Variants in MUC17 observed in about 807,000 individuals in gnomAD.
MUC17 encodes mucin-17.
MUC17 carries 190 observed loss-of-function variants against 170.3 expected under a neutral mutation model. The ratio of observed to expected loss-of-function variants is 1.12; its 90% confidence interval spans 0.99 to 1.26. MUC17 has a LOEUF of 1.26. Among genes scored for constraint, MUC17 ranks in the 50% most tolerant of loss-of-function variants. The probability of loss-of-function intolerance (pLI) is 0.00; values close to 1 mark genes in which losing one functional copy is unlikely to be tolerated. For missense variants in MUC17, 6,415 were observed against 5,530.0 expected, an observed-to-expected ratio of 1.16 and a Z score of -5.08; for synonymous variants, 2,325 against 2,002.5, an observed-to-expected ratio of 1.16 and a Z score of -4.30.
In MUC17 at chr7:101,036,546, T is replaced by C. The variant is rs1794485994; in HGVS notation, c.5130T>C (p.Leu1710=). 1.2e-6 allele frequency: 2 copies of C among 1,611,358 alleles called. No homozygotes were observed. The highest frequency in any genetic ancestry group is 1.7e-4 in the Middle Eastern group (1 of 6,044). The change falls in exon 3 of 13, where the codon CTT becomes CTC. Residue 1710 remains leucine, a synonymous_variant. Transcript: ENST00000306151. ...TGGCCAGCTCTGCAATCAGCACCCT[T>C]TCAACAACTCCCGTTGACAACAGCA... ...TPVASSAIST[L]STTPVDNSTP...
At position 101,032,451 on chromosome 7, in the gene MUC17, G is replaced by T. The variant is rs368047713; in HGVS notation, c.1035G>T (p.Pro345=). The part of the protein sequence containing the change: ...PLTSTPASTM[P]VATSEMSTLS... The stretch of plus-strand genomic sequence containing the variant: ...CAAGTACGCCTGCCAGCACCATGCC[G>T]GTTGCCACTTCTGAAATGAGCACAC... Residue 345 remains proline (P), a synonymous_variant, in exon 3 of 13, where the codon CCG becomes CCT. Transcript: ENST00000306151. The T allele has an allele frequency of 1.2e-6, 2 of 1,613,398 alleles. No homozygotes were observed. Among genetic ancestry groups the T allele is most frequent in the Admixed American group, 3.3e-5 (2 of 59,984 alleles).
At position 101,048,888 on chromosome 7, in the gene MUC17, AGT is replaced by A; in HGVS notation, c.12581_12582del (p.Val4194AspfsTer37). On this transcript the variant is annotated frameshift_variant, in exon 5 of 13. Transcript: ENST00000306151. LOFTEE classifies it high-confidence loss of function. ...ISAQMELTVT[V>X]TSVKFTEELK... ...CTGCCCAAATGGAACTGACTGTGAC[AGT>A]GACCAGTGTGAAGTTCACCGAAGAG... 1 of 1,614,148 alleles carries A rather than the reference AGT, an allele frequency of 6.2e-7. No homozygotes were observed. Among genetic ancestry groups the A allele is most frequent in the South Asian group, 1.1e-5 (1 of 91,078 alleles).
intron 3 of MUC17, among the ~76,000 whole-genome samples, chr7:101,047,029 C>T (rs35783870): frequency 0.13 from 19,385 of 150,200 alleles, 1,450 homozygotes; most frequent in African/African-American, 0.19. Context: ...TGCAGTGAGC[C>T]GAGATCACGC....
rs1408959225 is a variant in MUC17 at position 101,042,197 on chromosome 7, G to A, written c.10781G>A (p.Ser3594Asn). The stretch of plus-strand genomic sequence containing the variant: ...ACATATGTGACCAGTTCTGAGGCTA[G>A]CACACCTTCCACTCCTTCTGTTGAC... ...SSTYVTSSEASTPSTPSVDRS... is the reference protein window; with the variant it reads ...SSTYVTSSEANTPSTPSVDRS... Residue 3594 changes from serine (S) to asparagine (N), a missense_variant, in exon 3 of 13, where the codon AGC becomes AAC. Ser to Asn is a conservative substitution (Grantham distance 46). Transcript: ENST00000306151. 4.3e-6 allele frequency: 7 copies of A among 1,614,146 alleles called. No individual in the cohort carries two copies. Among genetic ancestry groups the A allele is most frequent in the East Asian group, 2.2e-5 (1 of 44,888 alleles).
chr7:101,029,907 G>T (rs13245760), intron 1 of MUC17, among the ~76,000 whole-genome samples: 7 of 151,118 alleles, frequency 4.6e-5, no homozygotes, highest in East Asian at 3.9e-4. Context: ...CCTCTTTTAG[G>T]TTTTTTTTTA....
chr7:101,045,743 T>C (rs1218139847), intron 3 of MUC17, among the ~76,000 whole-genome samples: 2 of 152,216 alleles, frequency 1.3e-5, no homozygotes, highest in Non-Finnish European at 1.5e-5. Context: ...AATATATCTT[T>C]GTCTTCTTGA....
rs149480056 is a variant in MUC17, at chr7:101,043,422, C to T, written c.12006C>T (p.Leu4002=). The T allele has an allele frequency of 1.4e-5, 23 of 1,614,180 alleles. No homozygotes were observed. In the African/African-American group the frequency reaches 2.9e-4, roughly 21 times the overall value. Reference sequence around the variant, plus strand: ...CCGCAATGACTACTGCAGCTCCCCTCACATATGTGACCATGTCTACTGCCC... The same window carrying T: ...CCGCAATGACTACTGCAGCTCCCCTTACATATGTGACCATGTCTACTGCCC... ...TTPAMTTAAP[L]TYVTMSTAPS... is the part of the protein sequence containing the mutation. Residue 4002 remains leucine, a synonymous_variant, in exon 3 of 13, where the codon CTC becomes CTT. Transcript: ENST00000306151.
Position 101,033,701 on chromosome 7 carries a change from C to T in MUC17, c.2285C>T (p.Ser762Phe). The T allele has an allele frequency of 6.2e-7, 1 of 1,613,644 alleles. No individual in the cohort carries two copies. Among genetic ancestry groups the T allele is most frequent in the Non-Finnish European group, 8.5e-7 (1 of 1,179,630 alleles). Residue 762 changes from serine (S) to phenylalanine (F), a missense_variant, in exon 3 of 13, where the codon TCT (serine) becomes TTT (phenylalanine). Ser to Phe is a radical substitution (Grantham distance 155, BLOSUM62 -2). Coordinates refer to ENST00000306151, the MANE Select transcript of MUC17 (RefSeq NM_001040105.2). ...MPVSKTLLTS[S>F]EASTLSTTPL... ...GTCAGCAAAACGCTGTTGACCAGTT[C>T]TGAGGCTAGCACCCTTTCAACAACT...
rs572838572 is a variant in MUC17, at chr7:101,032,487, T to C, written c.1071T>C (p.Thr357=). The change falls in exon 3 of 13, where the codon ACT becomes ACC. Residue 357 remains threonine (T), a synonymous_variant. Transcript: ENST00000306151. ...CTGAAATGAGCACACTTTCAATAACTCCTGTTGACACCAGCACACTTGTGA... is the reference window on the plus strand; with the variant it reads ...CTGAAATGAGCACACTTTCAATAACCCCTGTTGACACCAGCACACTTGTGA... ...ATSEMSTLSI[T]PVDTSTLVTT... is the part of the protein sequence containing the mutation. The C allele has an allele frequency of 1.2e-6, 2 of 1,614,040 alleles. No individual in the cohort carries two copies. The highest frequency in any genetic ancestry group is 4.5e-5 in the East Asian group (2 of 44,882).
In MUC17 at chr7:101,033,270, C is replaced by G. The variant is rs1329563844; in HGVS notation, c.1854C>G (p.Ser618Arg). The G allele has an allele frequency of 3.1e-6, 5 of 1,613,956 alleles. No individual in the cohort carries two copies. The part of the protein sequence containing the change: ...SSSSTTAEGT[S>R]MPTSTYSERG... ...CTTCTACAACTGCTGAAGGTACCAGCATGCCAACCTCAACTTACAGTGAAA... is the reference window on the plus strand; with the variant it reads ...CTTCTACAACTGCTGAAGGTACCAGGATGCCAACCTCAACTTACAGTGAAA... The change falls in exon 3 of 13, where the codon AGC (serine) becomes AGG (arginine). Residue 618 changes from serine to arginine, a missense_variant. Coordinates refer to ENST00000306151, the MANE Select transcript of MUC17 (RefSeq NM_001040105.2).
At chr7:101,048,626 AAAG>A (rs1430121486) in intron 4 of MUC17, among the ~76,000 whole-genome samples, 3 of 151,974 alleles carry the variant, frequency 2.0e-5, no homozygotes, top group African/African-American at 4.8e-5. Context: ...AGGAAGGAAA[AAAG>A]AAAGAAAGAA....
In MUC17 at chr7:101,039,649, A is replaced by T. The variant is rs200516865; in HGVS notation, c.8233A>T (p.Thr2745Ser). The T allele has an allele frequency of 2.5e-6, 4 of 1,609,972 alleles. No homozygotes were observed. The highest frequency in any genetic ancestry group is 1.1e-5 in the South Asian group (1 of 90,898). ...TAEGTSMRIS[T>S]PSDGSTPLTS... Reference sequence around the variant, plus strand: ...TGAAGGTACCAGCATGCGAATCTCAACTCCTAGTGATGGAAGTACTCCATT... The same window carrying T: ...TGAAGGTACCAGCATGCGAATCTCATCTCCTAGTGATGGAAGTACTCCATT... The change falls in exon 3 of 13, where the codon ACT (threonine) becomes TCT (serine). Residue 2745 changes from threonine to serine, a missense_variant. By Grantham distance (58) the Thr-to-Ser change is moderately conservative. Transcript: ENST00000306151.
rs766586572 is a variant in MUC17 at position 101,037,235 on chromosome 7, G to T, written c.5819G>T (p.Ser1940Ile). The change falls in exon 3 of 13, where the codon AGT (serine) becomes ATT (isoleucine). Residue 1940 changes from serine to isoleucine, a missense_variant. Transcript: ENST00000306151. ...SIPVSTTTVA[S>I]SEINTLSTTL... ...CCTGTCAGCACCACAACAGTGGCCA[G>T]TTCTGAAATCAACACCCTTTCAACA... The T allele has an allele frequency of 1.9e-6, 3 of 1,611,216 alleles. No individual in the cohort carries two copies. The African/African-American group carries it at 4.0e-5, about 22-fold the overall frequency.
chr7:101,052,015 T>TC (rs1386906235), intron 9 of MUC17, 53 bp downstream of exon 9: 1 of 1,569,650 alleles, frequency 6.4e-7, no homozygotes, highest in Admixed American at 1.7e-5. Context: ...GGTCCTCCCC[T>TC]CCCCTGCAGG....
intron 3 of MUC17, among the ~76,000 whole-genome samples, chr7:101,047,247 G>A (rs1794858622): frequency 6.6e-6 from 1 of 152,060 alleles, no homozygotes; most frequent in South Asian, 2.1e-4. Context: ...GAGGAACAAC[G>A]ACCATCTAAT....
chr7:101,040,292 T>C lies in MUC17; in HGVS notation c.8876T>C (p.Val2959Ala), dbSNP rs568596065. The C allele has an allele frequency of 1.5e-5, 24 of 1,611,448 alleles. No homozygotes were observed. The East Asian group carries it at 2.5e-4, about 16-fold the overall frequency. The change falls in exon 3 of 13, where the codon GTC (valine) becomes GCC (alanine). Residue 2959 changes from valine (V) to alanine (A), a missense_variant. By Grantham distance (64) the Val-to-Ala change is moderately conservative (BLOSUM62 0). Transcript: ENST00000306151. ...ACTCCTGTTGACACCAGGACACCTG[T>C]CACCACTTCTGCTGAAGCTAGTTCT... Reference protein sequence around the residue: ...STTPVDTRTPVTTSAEASSSP... With the variant: ...STTPVDTRTPATTSAEASSSP...
In MUC17 at chr7:101,053,067, G is replaced by A; in HGVS notation, c.13185G>A (p.Val4395=). ...AGAAGAGTCTGGTGTACGGCCTCGT[G>A]GGGGCAGGGGTCGTGCTGATGCTGA... ...GTQKSLVYGL[V]GAGVVLMLII... The change falls in exon 10 of 13, where the codon GTG becomes GTA. Residue 4395 remains valine, a synonymous_variant. Transcript: ENST00000306151. The A allele has an allele frequency of 2.5e-6, 4 of 1,614,156 alleles. No individual in the cohort carries two copies. The highest frequency in any genetic ancestry group is 2.2e-5 in the South Asian group (2 of 91,080).
rs889440653 is a variant in MUC17 at position 101,038,630 on chromosome 7, G to T, written c.7214G>T (p.Ser2405Ile). ...GSTPLTSVPVSTMPVVSSEAS... is the reference protein window; with the variant it reads ...GSTPLTSVPVITMPVVSSEAS... ...ACTCCACTAACAAGTGTGCCTGTCA[G>T]CACCATGCCGGTGGTCAGTTCTGAG... Residue 2405 changes from serine (S) to isoleucine (I), a missense_variant, in exon 3 of 13, where the codon AGC becomes ATC. Ser to Ile is a moderately radical substitution (Grantham distance 142). Coordinates refer to ENST00000306151, the MANE Select transcript of MUC17 (RefSeq NM_001040105.2). The T allele has an allele frequency of 6.2e-7, 1 of 1,614,148 alleles. No homozygotes were observed. Among genetic ancestry groups the T allele is most frequent in the South Asian group, 1.1e-5 (1 of 91,090 alleles).
At chr7:101,051,752 C>T in intron 8 of MUC17, 51 bp from the exon 9 acceptor site, 1 of 1,602,458 alleles carries the variant, frequency 6.2e-7, no homozygotes, top group Non-Finnish European at 8.5e-7. Context: ...GGGACAGTGT[C>T]CCCCCAGCCC....
Sources: gnomAD v4.1 joint callset for allele counts (sites outside exome capture counted in the v4.1 genomes callset) on GRCh38, gnomAD v4.1.1 for gene constraint, MANE v1.5 for transcripts, NCBI Gene and HGNC (gene_info 2026-07-23, HGNC 2026-07-21) for gene names.